Variants in LRP1 observed in about 807,000 individuals in gnomAD.
LRP1 encodes the protein prolow-density lipoprotein receptor-related protein 1.
A neutral mutation model predicts 541.5 loss-of-function variants in LRP1; 51 were observed. That is an observed-to-expected ratio of 0.09 (90% CI 0.08 to 0.12). The LOEUF is 0.12. Ranked by LOEUF, LRP1 falls within the 10% of genes least tolerant of loss-of-function variation. LRP1 has a pLI of 1.00. For synonymous variants in LRP1, 2,219 were observed against 2,470.8 expected, an observed-to-expected ratio of 0.90 and a Z score of 3.02; for missense variants, 3,878 against 6,376.2, an observed-to-expected ratio of 0.61 and a Z score of 13.34.
intron 76 of LRP1, among the ~76,000 whole-genome samples, chr12:57,207,200 G>A (rs944354635): frequency 7.3e-5 from 11 of 150,382 alleles, no homozygotes; most frequent in Non-Finnish European, 3.0e-5. Flanking sequence ...CCGAGATCGC[G>A]CCACTGCACT....
chr12:57,193,387 G>A, intron 46 of LRP1, 83 bp downstream of exon 46: 1 of 1,565,160 alleles, frequency 6.4e-7, no homozygotes, highest in Non-Finnish European at 8.7e-7. Flanking sequence ...GATGGAGCAG[G>A]ATCAGGACCC....
In LRP1 at chr12:57,187,181, C is replaced by A. The variant is rs983946414; in HGVS notation, c.6842-86C>A. ...ACACTTCGCCTTCCAGCCAGGAGAG[C>A]ACCTGCCCCAGGCTGTCCCCCACGG... On this transcript the variant is annotated intron_variant, in intron 41 of 88. Transcript: ENST00000243077. The A allele has an allele frequency of 3.6e-6, 5 of 1,383,398 alleles. 1 individual carries two copies. The African/African-American group carries it at 5.7e-5, about 16-fold the overall frequency. The allele number at this position is 1,383,398 out of a possible 1,614,324, so 85.7% of individuals were successfully genotyped here.
rs1462983057 is a variant in LRP1, at chr12:57,204,700, A to G, written c.11145A>G (p.Gln3715=). The G allele has an allele frequency of 1.9e-6, 3 of 1,614,002 alleles. No homozygotes were observed. In the African/African-American group the frequency reaches 4.0e-5, roughly 22 times the overall value. ...NDRVCLWIGR[Q]CDGTDNCGDG... is the part of the protein sequence containing the mutation. ...GCGTCTGTCTGTGGATCGGGCGCCA[A>G]TGCGATGGCACGGACAACTGTGGGG... The change falls in exon 72 of 89, where the codon CAA becomes CAG. Residue 3715 remains glutamine (Q), a synonymous_variant. Coordinates refer to ENST00000243077, the MANE Select transcript of LRP1 (RefSeq NM_002332.3). The surrounding 1 kb of genome is among the most constrained non-coding windows in gnomAD (Gnocchi z 5.3).
Position 57,208,735 on chromosome 12 carries a change from C to T in LRP1, c.12063C>T (p.Gly4021=), listed in dbSNP as rs180881988. 8.1e-6 allele frequency: 13 copies of T among 1,613,658 alleles called. No individual in the cohort carries two copies. Among genetic ancestry groups the T allele is most frequent in the Non-Finnish European group, 1.1e-5 (13 of 1,179,620 alleles). ...GGACCATGTACTGGTCAGACTGGGG[C>T]AACCACCCCAAGATTGAGACGGCAG... ...LRGTMYWSDW[G]NHPKIETAAM... Residue 4021 remains glycine, a synonymous_variant, in exon 78 of 89, where the codon GGC becomes GGT. Coordinates refer to ENST00000243077, the MANE Select transcript of LRP1 (RefSeq NM_002332.3).
At chr12:57,196,760 G>C (rs1389529888) in intron 55 of LRP1, among the ~76,000 whole-genome samples, 2 of 152,224 alleles carry the variant, frequency 1.3e-5, no homozygotes, top group Admixed American at 1.3e-4. Flanking sequence ...GCCACGAGAA[G>C]AAAGCATTTC....
chr12:57,162,200 G>C lies in LRP1; in HGVS notation c.2203-117G>C, dbSNP rs1033026451. 2.2e-6 allele frequency: 2 copies of C among 906,324 alleles called. No homozygotes were observed. The highest frequency in any genetic ancestry group is 1.6e-5 in the African/African-American group (1 of 61,448). 56.1% of individuals were successfully genotyped at this position (906,324 alleles called of 1,614,324 possible). A position where few individuals can be genotyped will look rare whatever the true frequency, so the allele number is the denominator to read the frequency against. On this transcript the variant is annotated intron_variant, in intron 13 of 88. Transcript: ENST00000243077. This position sits in a 1 kb window ranked among gnomAD's most constrained non-coding sequence, Gnocchi z 5.2. ...CTCTCTGGGGCTCCCAGGCTAATGG[G>C]GGAAACAAAGCAAAACCCATGCCCA...
chr12:57,199,495 C>A, intron 61 of LRP1, 95 bp downstream of exon 61: 1 of 1,361,684 alleles, frequency 7.3e-7, no homozygotes, highest in African/African-American at 1.4e-5. Context: ...TTGACCAAGC[C>A]CTCCTGGCCA....
Position 57,162,171 on chromosome 12 carries a change from A to G in LRP1, c.2203-146A>G, listed in dbSNP as rs1277415038. 3.9e-5 allele frequency: 28 copies of G among 712,218 alleles called. 1 individual carries two copies. In the Admixed American group the frequency reaches 5.3e-4, roughly 14 times the overall value. 44.1% of individuals were successfully genotyped at this position (712,218 alleles called of 1,614,324 possible). A position where few individuals can be genotyped will look rare whatever the true frequency, so the allele number is the denominator to read the frequency against. ...CTACCATCCCACTGTGTGCAAAACT[A>G]TCACTCTCTGGGGCTCCCAGGCTAA... On this transcript the variant is annotated intron_variant, in intron 13 of 88. Coordinates refer to ENST00000243077, the MANE Select transcript of LRP1 (RefSeq NM_002332.3). This position sits in a 1 kb window ranked among gnomAD's most constrained non-coding sequence, Gnocchi z 5.2.
At position 57,185,607 on chromosome 12, in the gene LRP1, C is replaced by T. The variant is rs149556819; in HGVS notation, c.6540C>T (p.Cys2180=). 1.1e-5 allele frequency: 17 copies of T among 1,609,476 alleles called. No individual in the cohort carries two copies. The highest frequency in any genetic ancestry group is 5.3e-5 in the African/African-American group (4 of 74,928). Residue 2180 remains cysteine (C), a synonymous_variant, in exon 41 of 89, where the codon TGC becomes TGT. Transcript: ENST00000243077. The surrounding 1 kb of genome is among the most constrained non-coding windows in gnomAD (Gnocchi z 4.9). ...ACCGGGGCCGTGGGCAGCGGGCCTG[C>T]GCCTGTGCCCACGGGATGCTGGCTG... The part of the protein sequence containing the change: ...CLYRGRGQRA[C]ACAHGMLAED...
chr12:57,159,265 C>T (rs1214930850), intron 11 of LRP1, among the ~76,000 whole-genome samples: 1 of 152,164 alleles, frequency 6.6e-6, no homozygotes, highest in Non-Finnish European at 1.5e-5. Flanking sequence ...CCCTGCACCC[C>T]ATCCACACTG....
chr12:57,183,555 T>C lies in LRP1; in HGVS notation c.5794+45T>C. ...AGGGAGTTGGGCGTGGCGTAGGAGC[T>C]TTAGGGGTGGTGTGGTGTGCCCTGA... On this transcript the variant is annotated intron_variant, in intron 35 of 88. Coordinates refer to ENST00000243077, the MANE Select transcript of LRP1 (RefSeq NM_002332.3). This position sits in a 1 kb window ranked among gnomAD's most constrained non-coding sequence, Gnocchi z 6.1. 6.3e-7 allele frequency: 1 copy of C among 1,589,874 alleles called. No individual in the cohort carries two copies. Among genetic ancestry groups the C allele is most frequent in the Non-Finnish European group, 8.6e-7 (1 of 1,166,116 alleles).
In LRP1 at chr12:57,208,190, C is replaced by T. The variant is rs150111762; in HGVS notation, c.12012C>T (p.His4004=). The T allele has an allele frequency of 1.9e-4, 311 of 1,613,768 alleles. 1 individual carries two copies. Among genetic ancestry groups the T allele is most frequent in the Middle Eastern group, 6.6e-4 (4 of 6,072 alleles). Residue 4004 remains histidine, a synonymous_variant, in exon 77 of 89, where the codon CAC becomes CAT. Coordinates refer to ENST00000243077, the MANE Select transcript of LRP1 (RefSeq NM_002332.3). ...TLISGMIDEP[H]AIVVDPLRGT... is the part of the protein sequence containing the mutation. ...TCTCGGGCATGATTGACGAGCCCCA[C>T]GCCATTGTGGTGGACCCACTGAGGG...
Position 57,205,397 on chromosome 12 carries a change from C to T in LRP1, c.11382C>T (p.Asp3794=), listed in dbSNP as rs371672629. Residue 3794 remains aspartate, a synonymous_variant, in exon 74 of 89, where the codon GAC becomes GAT. Transcript: ENST00000243077. This position sits in a 1 kb window ranked among gnomAD's most constrained non-coding sequence, Gnocchi z 4.6. ...SCATNASICG[D]EARCVRTEKA... is the part of the protein sequence containing the mutation. Reference sequence around the variant, plus strand: ...CCACCAATGCCAGCATCTGTGGGGACGAGGCACGCTGCGTGCGCACCGAGA... The same window carrying T: ...CCACCAATGCCAGCATCTGTGGGGATGAGGCACGCTGCGTGCGCACCGAGA... 6.8e-6 allele frequency: 11 copies of T among 1,608,502 alleles called. No homozygotes were observed. Among genetic ancestry groups the T allele is most frequent in the Middle Eastern group, 1.6e-4 (1 of 6,082 alleles).
At position 57,194,676 on chromosome 12, in the gene LRP1, A is replaced by G. The variant is rs762560549; in HGVS notation, c.8168A>G (p.His2723Arg). The change falls in exon 50 of 89, where the codon CAT (histidine) becomes CGT (arginine). Residue 2723 changes from histidine (H) to arginine (R), a missense_variant. This residue lies in a region of LRP1 where 1,100 missense variants were observed against 1,827.4 expected (regional missense o/e 0.60). Coordinates refer to ENST00000243077, the MANE Select transcript of LRP1 (RefSeq NM_002332.3). ...WTCDKEDDCE[H>R]GEDETHCNKF... ...TGTGACAAAGAGGATGACTGTGAAC[A>G]TGGCGAGGACGAGACCCACTGCAGT... 2 of 1,586,192 alleles carry G rather than the reference A, an allele frequency of 1.3e-6. No homozygotes were observed. The highest frequency in any genetic ancestry group is 1.2e-5 in the South Asian group (1 of 86,136).
In LRP1 at chr12:57,184,044, C is replaced by G; in HGVS notation, c.5930-41C>G. The G allele has an allele frequency of 6.2e-7, 1 of 1,605,180 alleles. No individual in the cohort carries two copies. Among genetic ancestry groups the G allele is most frequent in the East Asian group, 2.2e-5 (1 of 44,768 alleles). On this transcript the variant is annotated intron_variant, in intron 36 of 88. Transcript: ENST00000243077. This position sits in a 1 kb window ranked among gnomAD's most constrained non-coding sequence, Gnocchi z 7.8. ...GCTTGGAGACACCAGGTCCACCTGT[C>G]CTCACCTAACCTCCCTGAGCCCCAC...
Position 57,156,766 on chromosome 12 carries a change from C to T in LRP1, c.1418-11C>T. 6.2e-7 allele frequency: 1 copy of T among 1,601,214 alleles called. No homozygotes were observed. On this transcript the variant is annotated splice_polypyrimidine_tract_variant and intron_variant, in intron 9 of 88. Transcript: ENST00000243077. The surrounding 1 kb of genome is among the most constrained non-coding windows in gnomAD (Gnocchi z 5.2). ...CTGAGGGGTCCTAACAGCTCTTCAC[C>T]CTGCCCCCAGTGAGGAGCCATGCCT...
rs780592930 is a variant in LRP1, at chr12:57,204,552, C to T, written c.11071+23C>T. ...GTGGTGAGATTTGGGGCGGGGCTCC[C>T]AGGCTTCCCAGTGGCCAGCAACCAC... On this transcript the variant is annotated intron_variant, in intron 71 of 88. Coordinates refer to ENST00000243077, the MANE Select transcript of LRP1 (RefSeq NM_002332.3). The surrounding 1 kb of genome is among the most constrained non-coding windows in gnomAD (Gnocchi z 5.3). The T allele has an allele frequency of 4.4e-6, 7 of 1,606,496 alleles. No individual in the cohort carries two copies. In the South Asian group the frequency reaches 7.7e-5, roughly 18 times the overall value.
At chr12:57,174,593 G>A (rs1005258067) in intron 22 of LRP1, among the ~76,000 whole-genome samples, 3 of 152,296 alleles carry the variant, frequency 2.0e-5, no homozygotes, top group South Asian at 4.1e-4. Flanking sequence ...TGGCCAACAT[G>A]GTGAAACCCT....
chr12:57,190,558 C>T (rs1319033490), intron 42 of LRP1, among the ~76,000 whole-genome samples: 2 of 152,228 alleles, frequency 1.3e-5, no homozygotes, highest in African/African-American at 2.4e-5. Flanking sequence ...CGGTCACTGC[C>T]CAGATACTGC....
Sources: allele counts gnomAD v4.1 joint callset (sites outside exome capture counted in the v4.1 genomes callset), GRCh38; gene constraint gnomAD v4.1.1; regional missense constraint gnomAD v4.1.1; non-coding constraint Gnocchi (gnomAD v3.1); transcripts MANE v1.5; gene names NCBI Gene and HGNC (gene_info 2026-07-23, HGNC 2026-07-21).